The following QTGAL variants were observed in gnomAD, a reference collection of about 807,000 sequenced individuals.
QTGAL encodes the protein queuosine-tRNA galactosyltransferase.
the QTGAL span, chr17:82,961,121 G>A: frequency 3.4e-4 from 554 of 1,608,774 alleles, 1 homozygote; most frequent in African/African-American, 5.7e-3. Context: ...TGGTCCACGC[G>A]GATGACGCCG....
chr17:82,986,870 C>A, the QTGAL span, among the ~76,000 whole-genome samples: 5 of 152,358 alleles, frequency 3.3e-5, no homozygotes, highest in African/African-American at 9.6e-5. Flanking sequence ...AGGTGGACGT[C>A]CTGGCACCCC....
At chr17:82,990,043 G>A in the QTGAL span, among the ~76,000 whole-genome samples, 3 of 152,108 alleles carry the variant, frequency 2.0e-5, no homozygotes, top group South Asian at 2.1e-4. Context: ...TCTTCTCTGC[G>A]GCACTGCTCT....
the QTGAL span, chr17:83,006,044 A>G: frequency 9.8e-7 from 1 of 1,016,676 alleles, no homozygotes; most frequent in Non-Finnish European, 1.2e-6. The surrounding 1 kb of genome is among the most constrained non-coding windows in gnomAD (Gnocchi z 5.8). Context: ...AACAGCACCC[A>G]CCCCAAGTGA....
the QTGAL span, among the ~76,000 whole-genome samples, chr17:82,954,360 AGAGACT>A: frequency 1.3e-5 from 2 of 152,170 alleles, no homozygotes; most frequent in Non-Finnish European, 2.9e-5. Flanking sequence ...ATAGACAAGC[AGAGACT>A]GAAACCATGA....
chr17:83,007,819 G>A, the QTGAL span, among the ~76,000 whole-genome samples: 2 of 152,220 alleles, frequency 1.3e-5, no homozygotes, highest in African/African-American at 4.8e-5. Flanking sequence ...CAATTCCTGT[G>A]GCTTTAATTA....
At chr17:83,006,624 G>A in the QTGAL span, 35 of 983,280 alleles carry the variant, frequency 3.6e-5, no homozygotes, top group Non-Finnish European at 4.0e-5. This position sits in a 1 kb window ranked among gnomAD's most constrained non-coding sequence, Gnocchi z 5.8. Flanking sequence ...CTATCCCGAC[G>A]CCGTGGCTGT....
At chr17:82,966,154 C>T in the QTGAL span, among the ~76,000 whole-genome samples, 29 of 151,314 alleles carry the variant, frequency 1.9e-4, no homozygotes, top group African/African-American at 6.1e-4. Flanking sequence ...TGGCCTCAAG[C>T]GATCCTCCCA....
the QTGAL span, among the ~76,000 whole-genome samples, chr17:83,033,245 C>A: frequency 1.3e-5 from 2 of 152,188 alleles, no homozygotes; most frequent in South Asian, 2.1e-4. Context: ...GTGACTCCCC[C>A]ATGGAGACCT....
chr17:82,958,116 C>T, the QTGAL span, among the ~76,000 whole-genome samples: 1 of 152,168 alleles, frequency 6.6e-6, no homozygotes, highest in African/African-American at 2.4e-5. Flanking sequence ...TGCCCCATCG[C>T]TGTCTGCCTG....
chr17:83,015,532 T>C, the QTGAL span, among the ~76,000 whole-genome samples: 1 of 152,266 alleles, frequency 6.6e-6, no homozygotes. The surrounding 1 kb of genome is among the most constrained non-coding windows in gnomAD (Gnocchi z 4.4). Context: ...AGAATATACA[T>C]GGTATTTTCC....
the QTGAL span, among the ~76,000 whole-genome samples, chr17:83,048,042 T>C: frequency 2.6e-5 from 4 of 152,078 alleles, no homozygotes; most frequent in Non-Finnish European, 2.9e-5. Context: ...CTTTCTCTTT[T>C]TTGAGATGGA....
At chr17:82,969,884 T>C in the QTGAL span, among the ~76,000 whole-genome samples, 122,384 of 151,700 alleles carry the variant, frequency 0.81, 49,447 homozygotes, top group East Asian at 0.88. Flanking sequence ...TTCACCATAT[T>C]GCCCAGGCTG....
the QTGAL span, among the ~76,000 whole-genome samples, chr17:83,032,535 G>A: frequency 1.3e-5 from 2 of 151,504 alleles, no homozygotes; most frequent in South Asian, 4.1e-4. Context: ...CCAGGCCTCC[G>A]ACCCAGACTG....
At chr17:83,038,284 A>AC in the QTGAL span, among the ~76,000 whole-genome samples, 7 of 152,178 alleles carry the variant, frequency 4.6e-5, no homozygotes, top group African/African-American at 1.7e-4. Context: ...AGGTCTCCTT[A>AC]CCCACACTTC....
the QTGAL span, among the ~76,000 whole-genome samples, chr17:82,969,602 G>A: frequency 6.6e-6 from 1 of 152,222 alleles, no homozygotes; most frequent in African/African-American, 2.4e-5. Context: ...CTGAGGCCAG[G>A]AGTTTGAGGC....
At chr17:83,038,457 A>C in the QTGAL span, among the ~76,000 whole-genome samples, 1 of 152,270 alleles carries the variant, frequency 6.6e-6, no homozygotes, top group Non-Finnish European at 1.5e-5. Flanking sequence ...TTTTCAAAAT[A>C]GATGAATGTT....
chr17:82,959,504 T>G, the QTGAL span, among the ~76,000 whole-genome samples: 2 of 151,980 alleles, frequency 1.3e-5, no homozygotes, highest in Non-Finnish European at 2.9e-5. Flanking sequence ...GGACAGCTCC[T>G]GCAGACGGCT....
the QTGAL span, among the ~76,000 whole-genome samples, chr17:82,986,245 G>A: frequency 1.1e-4 from 17 of 152,308 alleles, no homozygotes; most frequent in East Asian, 1.2e-3. Flanking sequence ...GCTGCTCTGC[G>A]GCAGCCCGAC....
the QTGAL span, chr17:82,961,227 C>G: frequency 1.8e-5 from 28 of 1,582,312 alleles, no homozygotes; most frequent in Non-Finnish European, 2.4e-5. Context: ...CCCAGAAACG[C>G]GTGCCTGCCC....
Sources: allele counts gnomAD v4.1 joint callset (sites outside exome capture counted in the v4.1 genomes callset), GRCh38; gene constraint gnomAD v4.1.1; non-coding constraint Gnocchi (gnomAD v3.1); transcripts MANE v1.5; gene names NCBI Gene and HGNC (gene_info 2026-07-23, HGNC 2026-07-21).